SDK1: variants seen among roughly 807,000 people sequenced by gnomAD.
The protein encoded by SDK1 is sidekick cell adhesion molecule 1, also known as protein sidekick-1.
In SDK1, 157 loss-of-function variants were observed where a neutral mutation model predicts 245.5. The ratio of observed to expected loss-of-function variants is 0.64; its 90% CI spans 0.56 to 0.73. The LOEUF (loss-of-function observed/expected upper bound fraction) is 0.73. SDK1 is among the 30% of genes least tolerant of loss of function. SDK1 has a pLI of 0.00. For missense variants in SDK1, 3,583 were observed against 3,002.3 expected (o/e 1.19, Z -4.52); for synonymous variants, 1,647 against 1,278.5 (o/e 1.29, Z -6.15).
At chr7:3,842,986 C>T (rs531555727) in intron 5 of SDK1, among the ~76,000 whole-genome samples, 3 of 152,150 alleles carry the variant, frequency 2.0e-5, no homozygotes, top group South Asian at 4.1e-4. Flanking sequence ...TCTCATTTGG[C>T]GAAAGTGCAT....
At chr7:3,302,992 A>G (rs1779319096) in intron 1 of SDK1, among the ~76,000 whole-genome samples, 1 of 152,142 alleles carries the variant, frequency 6.6e-6, no homozygotes, top group African/African-American at 2.4e-5. Context: ...ACTATCATCC[A>G]ATAGCTTAAC....
intron 44 of SDK1, among the ~76,000 whole-genome samples, chr7:4,264,126 G>A (rs1224700371): frequency 1.6e-5 from 2 of 127,414 alleles, no homozygotes; most frequent in Non-Finnish European, 1.7e-5. Context: ...TGAGTGGGGA[G>A]GCCGCGTAGA....
At chr7:3,486,146 T>C (rs1562516247) in intron 1 of SDK1, among the ~76,000 whole-genome samples, 1 of 152,124 alleles carries the variant, frequency 6.6e-6, no homozygotes, top group Non-Finnish European at 1.5e-5. Flanking sequence ...TTTGGTCTTT[T>C]GTTTTCTTTT....
At chr7:4,150,563 C>A (rs1463076043) in intron 30 of SDK1, among the ~76,000 whole-genome samples, 3 of 152,178 alleles carry the variant, frequency 2.0e-5, no homozygotes, top group Non-Finnish European at 4.4e-5. Flanking sequence ...TGCTCATATC[C>A]CCCACCCAGC....
At chr7:3,760,650 A>G (rs1295785202) in intron 4 of SDK1, among the ~76,000 whole-genome samples, 1 of 152,180 alleles carries the variant, frequency 6.6e-6, no homozygotes, top group African/African-American at 2.4e-5. Flanking sequence ...TTTAGACTTC[A>G]GGGATTTTGA....
intron 20 of SDK1, among the ~76,000 whole-genome samples, chr7:4,070,710 ATT>A (rs60441124): frequency 0.077 from 11,070 of 143,774 alleles, 913 homozygotes; most frequent in African/African-American, 0.2. Context: ...CACCTCTCAA[ATT>A]TTTTTTTTTT....
intron 4 of SDK1, among the ~76,000 whole-genome samples, chr7:3,762,931 A>G (rs1780148838): frequency 6.6e-6 from 1 of 152,180 alleles, no homozygotes; most frequent in African/African-American, 2.4e-5. Flanking sequence ...TCTACAACAT[A>G]ACTGTGTTCT....
At chr7:4,047,893 C>G (rs1789135686) in intron 17 of SDK1, among the ~76,000 whole-genome samples, 2 of 152,202 alleles carry the variant, frequency 1.3e-5, no homozygotes, top group Non-Finnish European at 2.9e-5. Flanking sequence ...ATCCCAGGCA[C>G]AGCAAGCCCT....
intron 4 of SDK1, among the ~76,000 whole-genome samples, chr7:3,675,070 A>C (rs151311359): frequency 4.7e-3 from 710 of 152,284 alleles, no homozygotes; most frequent in Non-Finnish European, 7.2e-3. Context: ...AAACCTTCTC[A>C]TGCCCGTGAG....
intron 4 of SDK1, among the ~76,000 whole-genome samples, chr7:3,753,013 C>G (rs371369756): frequency 6.6e-6 from 1 of 152,162 alleles, no homozygotes; most frequent in Admixed American, 6.5e-5. Flanking sequence ...GGGTAGCCCA[C>G]GTTGATACTA....
At chr7:3,467,773 T>C (rs532751884) in intron 1 of SDK1, among the ~76,000 whole-genome samples, 2 of 152,254 alleles carry the variant, frequency 1.3e-5, no homozygotes, top group Non-Finnish European at 1.5e-5. Context: ...GCATTTGAGA[T>C]TGGATAGTGT....
chr7:4,129,824 T>G (rs1784673422), intron 26 of SDK1, 84 bp from the exon 27 acceptor site: 10 of 1,575,212 alleles, frequency 6.3e-6, no homozygotes, highest in African/African-American at 1.3e-5. Context: ...GGGCCTTGAT[T>G]CACGAAGGGG....
chr7:3,363,210 A>G (rs1371810054), intron 1 of SDK1, among the ~76,000 whole-genome samples: 2 of 152,240 alleles, frequency 1.3e-5, no homozygotes, highest in East Asian at 3.8e-4. Flanking sequence ...CAAAAATGTT[A>G]TATAAATAGA....
At chr7:3,969,218 T>TA in intron 10 of SDK1, 39 bp from the exon 11 acceptor site, 4 of 1,516,978 alleles carry the variant, frequency 2.6e-6, no homozygotes, top group Non-Finnish European at 3.6e-6. Flanking sequence ...CTTCAAGCGT[T>TA]ACGACTGTAA....
intron 5 of SDK1, among the ~76,000 whole-genome samples, chr7:3,923,116 A>G (rs191208117): frequency 8.5e-5 from 13 of 152,092 alleles, no homozygotes; most frequent in Non-Finnish European, 1.5e-4. Flanking sequence ...AGATGATTCC[A>G]TTTTCATATT....
intron 5 of SDK1, among the ~76,000 whole-genome samples, chr7:3,939,639 A>T (rs578183007): frequency 1.8e-4 from 27 of 152,290 alleles, no homozygotes; most frequent in African/African-American, 6.3e-4. Context: ...TAAGAAAAAA[A>T]TAATAATGTA....
In SDK1 at chr7:3,896,521, C is replaced by T. The variant is rs773582108; in HGVS notation, c.848-54402C>T. On this transcript the variant is annotated intron_variant, in intron 5 of 44. Coordinates refer to ENST00000404826, the MANE Select transcript of SDK1 (RefSeq NM_152744.4). ...TGGCATTTTTCTCCACTAGCTTTAGCCTCCTGGGCCTCCGCAGACTCTAAA... is the reference window on the plus strand; with the variant it reads ...TGGCATTTTTCTCCACTAGCTTTAGTCTCCTGGGCCTCCGCAGACTCTAAA... 2.6e-5 allele frequency among the ~76,000 whole-genome samples: 4 copies of T among 152,324 alleles called. No homozygotes were observed. In the East Asian group the frequency reaches 7.7e-4, roughly 29 times the overall value.
intron 35 of SDK1, among the ~76,000 whole-genome samples, chr7:4,195,615 G>T (rs923321993): frequency 1.3e-5 from 2 of 152,186 alleles, no homozygotes; most frequent in Non-Finnish European, 2.9e-5. Flanking sequence ...TTGAGTTTCT[G>T]TGTAGTAGCC....
intron 1 of SDK1, among the ~76,000 whole-genome samples, chr7:3,472,790 C>A (rs1267230963): frequency 6.6e-6 from 1 of 152,172 alleles, no homozygotes; most frequent in African/African-American, 2.4e-5. Flanking sequence ...ACAGTACCAG[C>A]ATGAGAACAT....
Sources: gnomAD v4.1 joint callset for allele counts (sites outside exome capture counted in the v4.1 genomes callset) on GRCh38, gnomAD v4.1.1 for gene constraint, MANE v1.5 for transcripts, NCBI Gene and HGNC (gene_info 2026-07-23, HGNC 2026-07-21) for gene names.